The following PHYKPL variants were observed in gnomAD, a reference collection of about 807,000 sequenced individuals.
PHYKPL encodes 5-phosphonooxy-L-lysine phospho-lyase.
PHYKPL carries 42 observed loss-of-function variants against 51.3 expected under a neutral mutation model. The observed-to-expected ratio is 0.82, with a 90% CI of 0.64 to 1.06. PHYKPL has a LOEUF of 1.06. PHYKPL is among the 50% of genes least tolerant of loss of function. The probability of loss-of-function intolerance (pLI) is 0.00; values close to 1 mark genes in which losing one functional copy is unlikely to be tolerated. For synonymous variants in PHYKPL, 264 were observed against 236.0 expected (o/e 1.12, Z -1.09); for missense variants, 655 against 586.6 (o/e 1.12, Z -1.20).
intron 12 of PHYKPL, chr5:178,210,545 G>C (rs376937285): frequency 1.3e-5 from 21 of 1,613,538 alleles, no homozygotes; most frequent in Non-Finnish European, 1.6e-5. Context: ...GGTTGTTCTC[G>C]TCCCTAGGTC....
At chr5:178,223,019 A>G in intron 6 of PHYKPL, 85 bp from the exon 7 acceptor site, 2 of 1,297,148 alleles carry the variant, frequency 1.5e-6, no homozygotes, top group Non-Finnish European at 2.2e-6. Flanking sequence ...GGCTTAGTCC[A>G]AGCAAGACAA....
intron 8 of PHYKPL, chr5:178,216,420 C>T (rs1759805457): frequency 6.6e-6 from 1 of 152,056 alleles, no homozygotes; most frequent in African/African-American, 2.4e-5. Context: ...GGGTTCCAGG[C>T]AATTAAGGAG....
chr5:178,229,737 A>G, intron 3 of PHYKPL: 3 of 552,046 alleles, frequency 5.4e-6, no homozygotes, highest in Non-Finnish European at 9.3e-6. Flanking sequence ...AGGAGGTAAT[A>G]ACATCCTTCA....
chr5:178,213,067 G>A lies in PHYKPL; in HGVS notation c.1209C>T (p.Gly403=), dbSNP rs572880273. ...TAAACTTCAGGATGTTCCTCCCAGG[G>A]CCATCAGTGCTCAGCAAAACGTAGT... ...KENYVLLSTD[G]PGRNILKFKP... is the part of the protein sequence containing the mutation. The change falls in exon 11 of 13, where the codon GGC becomes GGT. Residue 403 remains glycine (G), a synonymous_variant. Transcript: ENST00000308158. The A allele has an allele frequency of 2.5e-4, 401 of 1,614,202 alleles. 4 individuals are homozygous for A. In the South Asian group the frequency reaches 3.7e-3, roughly 15 times the overall value.
intron 8 of PHYKPL, among the ~76,000 whole-genome samples, chr5:178,217,297 T>C (rs1312693114): frequency 1.3e-5 from 2 of 150,730 alleles, no homozygotes; most frequent in Non-Finnish European, 2.9e-5. Flanking sequence ...CTCAGCAAAC[T>C]GCAGCTGCCG....
At chr5:178,212,078 G>A in intron 11 of PHYKPL, 108 bp from the exon 12 acceptor site, 2 of 1,172,412 alleles carry the variant, frequency 1.7e-6, no homozygotes, top group Non-Finnish European at 2.5e-6. Context: ...TGGGCCCTCT[G>A]GCTATCCACA....
intron 8 of PHYKPL, among the ~76,000 whole-genome samples, chr5:178,218,198 CAG>C (rs1209259169): frequency 3.1e-5 from 3 of 96,390 alleles, no homozygotes; most frequent in Non-Finnish European, 5.4e-5. Context: ...GCCTGGGTGA[CAG>C]AGCGAAACTC....
chr5:178,230,149 C>A, intron 2 of PHYKPL, 50 bp from the exon 3 acceptor site: 1 of 1,605,422 alleles, frequency 6.2e-7, no homozygotes. Context: ...CAGCCAGTCC[C>A]ACTGGGCCTC....
chr5:178,211,732 G>GGAGA, intron 12 of PHYKPL, 158 bp downstream of exon 12: 1 of 606,458 alleles, frequency 1.6e-6, no homozygotes, highest in Non-Finnish European at 2.9e-6. Flanking sequence ...GCTAAGCATT[G>GGAGA]GAGAATTTCC....
intron 1 of PHYKPL, 106 bp from the exon 2 acceptor site, chr5:178,231,629 G>C (rs778392353): frequency 6.2e-7 from 1 of 1,607,410 alleles, no homozygotes; most frequent in South Asian, 1.1e-5. Context: ...GGTGGCGGGG[G>C]GGAAATGAGA....
At chr5:178,227,762 A>G (rs1054257305) in intron 3 of PHYKPL, among the ~76,000 whole-genome samples, 1 of 152,186 alleles carries the variant, frequency 6.6e-6, no homozygotes, top group African/African-American at 2.4e-5. Context: ...GGCTGTGTCT[A>G]ATGGAGTTGA....
chr5:178,214,695 A>G, intron 10 of PHYKPL, 101 bp downstream of exon 10: 2 of 1,060,506 alleles, frequency 1.9e-6, no homozygotes, highest in Non-Finnish European at 2.9e-6. Flanking sequence ...TGTGGCCCAG[A>G]GTGCTGGGGG....
intron 8 of PHYKPL, 134 bp downstream of exon 8, chr5:178,222,221 C>T: frequency 1.3e-6 from 1 of 746,610 alleles, no homozygotes; most frequent in Non-Finnish European, 2.2e-6. Context: ...GCTATAATCT[C>T]CTTAAGGACA....
chr5:178,208,251 C>T (rs1187396161), downstream of PHYKPL, among the ~76,000 whole-genome samples: 2 of 152,152 alleles, frequency 1.3e-5, no homozygotes, highest in Non-Finnish European at 1.5e-5. Context: ...TAAGGTGGGA[C>T]AGGTGGAACT....
At position 178,215,455 on chromosome 5, in the gene PHYKPL, C is replaced by T. The variant is rs549479097; in HGVS notation, c.928-25G>A. ...ACTGAGCCAGGGACAAAGAACATGT[C>T]AGATGCCCTGGCAGAGTGGGCCATG... is the stretch of plus-strand genomic sequence containing the variant. On this transcript the variant is annotated intron_variant, in intron 8 of 12. Coordinates refer to ENST00000308158, the MANE Select transcript of PHYKPL (RefSeq NM_153373.4). 1.6e-5 allele frequency: 26 copies of T among 1,594,692 alleles called. No individual in the cohort carries two copies. The South Asian group carries it at 2.1e-4, about 13-fold the overall frequency.
At chr5:178,215,625 T>C (rs1204571881) in intron 8 of PHYKPL, 195 bp from the exon 9 acceptor site, 1 of 602,786 alleles carries the variant, frequency 1.7e-6, no homozygotes, top group Non-Finnish European at 2.8e-6. Flanking sequence ...TTCCAGGAGC[T>C]AATGTGACTG....
At position 178,222,338 on chromosome 5, in the gene PHYKPL, T is replaced by C. The variant is rs1761333687; in HGVS notation, c.927+17A>G. The C allele has an allele frequency of 3.7e-6, 6 of 1,601,098 alleles. No individual in the cohort carries two copies. Among genetic ancestry groups the C allele is most frequent in the Non-Finnish European group, 5.1e-6 (6 of 1,170,866 alleles). ...TCAGAACCCATGTTGCTCCCTTGAC[T>C]TAGAGCCATCACTCACCGTGTTGAA... On this transcript the variant is annotated intron_variant, in intron 8 of 12. Transcript: ENST00000308158.
At position 178,208,617 on chromosome 5, in the gene PHYKPL, A is replaced by C; in HGVS notation, c.*330T>G. ...AATGTACTATTTTTAATGGGTGTGC[A>C]TGTCAGGATTTTCTTTAGAAATACA... On this transcript the variant is annotated 3_prime_UTR_variant, in exon 13 of 13. Coordinates refer to ENST00000308158, the MANE Select transcript of PHYKPL (RefSeq NM_153373.4). The C allele has an allele frequency of 6.6e-6, 1 of 152,256 alleles. No homozygotes were observed. The highest frequency in any genetic ancestry group is 1.9e-4 in the East Asian group (1 of 5,204). 9.4% of individuals were successfully genotyped at this position (152,256 alleles called of 1,614,324 possible). A position where few individuals can be genotyped will look rare whatever the true frequency, so the allele number is the denominator to read the frequency against.
Position 178,213,018 on chromosome 5 carries a change from C to G in PHYKPL, c.1258G>C (p.Asp420His). The G allele has an allele frequency of 6.2e-7, 1 of 1,614,198 alleles. No individual in the cohort carries two copies. The highest frequency in any genetic ancestry group is 8.5e-7 in the Non-Finnish European group (1 of 1,180,020). Residue 420 changes from aspartate to histidine, a missense_variant, in exon 11 of 13, where the codon GAC (aspartate) becomes CAC (histidine). By Grantham distance (81) the Asp-to-His change is moderately conservative. Coordinates refer to ENST00000308158, the MANE Select transcript of PHYKPL (RefSeq NM_153373.4). The part of the protein sequence containing the change: ...KFKPPMCFSL[D>H]NARQVVAKLD... Reference sequence around the variant, plus strand: ...TTTGCCACCACCTGCCGTGCATTGTCCAGGCTGAAGCACATTGGGGGCTTA... The same window carrying G: ...TTTGCCACCACCTGCCGTGCATTGTGCAGGCTGAAGCACATTGGGGGCTTA...
Sources: gnomAD v4.1 joint callset for allele counts (sites outside exome capture counted in the v4.1 genomes callset) on GRCh38, gnomAD v4.1.1 for gene constraint, MANE v1.5 for transcripts, NCBI Gene and HGNC (gene_info 2026-07-23, HGNC 2026-07-21) for gene names.